The following PPP1R13L variants were observed in gnomAD, a reference collection of about 807,000 sequenced individuals.
PPP1R13L encodes relA-associated inhibitor.
PPP1R13L carries 50 observed loss-of-function variants against 80.9 expected under a neutral mutation model. That is an observed-to-expected ratio of 0.62 (90% CI 0.49 to 0.78). PPP1R13L has a LOEUF of 0.78. Ranked by LOEUF, PPP1R13L falls within the 30% of genes least tolerant of loss-of-function variation. The pLI, the probability that PPP1R13L is intolerant of heterozygous loss-of-function variation, is 0.00. For missense variants in PPP1R13L, 1,200 were observed against 1,205.9 expected, an observed-to-expected ratio of 1.00 and a Z score of 0.07; for synonymous variants, 602 against 534.3, an observed-to-expected ratio of 1.13 and a Z score of -1.75.
At chr19:45,403,757 C>G (rs1385054812) in intron 1 of PPP1R13L, among the ~76,000 whole-genome samples, 3 of 152,168 alleles carry the variant, frequency 2.0e-5, no homozygotes, top group East Asian at 3.8e-4. Flanking sequence ...ATCAAATGCC[C>G]TTCAAGCCCA....
intron 11 of PPP1R13L, among the ~76,000 whole-genome samples, chr19:45,385,350 G>A (rs1972843321): frequency 6.6e-6 from 1 of 152,206 alleles, no homozygotes; most frequent in Non-Finnish European, 1.5e-5. Context: ...TGTCCAGCTC[G>A]CATAGCACAG....
chr19:45,404,680 A>G (rs1283853398), intron 1 of PPP1R13L, among the ~76,000 whole-genome samples: 1 of 151,794 alleles, frequency 6.6e-6, no homozygotes, highest in Non-Finnish European at 1.5e-5. Flanking sequence ...TCTGACCAAG[A>G]CTCGGGGATT....
Position 45,396,101 on chromosome 19 carries a change from G to C in PPP1R13L, c.903+67C>G. ...CAGCCCCGAGGGGGAGACTGGCCTT[G>C]ACCCCGCTCCCCCACCCCACTCCTC... On this transcript the variant is annotated intron_variant, in intron 6 of 12. Coordinates refer to ENST00000360957, the MANE Select transcript of PPP1R13L (RefSeq NM_006663.4). This position sits in a 1 kb window ranked among gnomAD's most constrained non-coding sequence, Gnocchi z 5.3. 1 of 1,513,914 alleles carries C rather than the reference G, an allele frequency of 6.6e-7. No homozygotes were observed. The highest frequency in any genetic ancestry group is 8.9e-7 in the Non-Finnish European group (1 of 1,123,284). 93.8% of individuals were successfully genotyped at this position (1,513,914 alleles called of 1,614,324 possible).
upstream of PPP1R13L, chr19:45,406,105 A>G: frequency 5.6e-6 from 1 of 177,350 alleles, no homozygotes; most frequent in Non-Finnish European, 1.1e-5. The surrounding 1 kb of genome is among the most constrained non-coding windows in gnomAD (Gnocchi z 4.2). Flanking sequence ...TCCTCCCCCT[A>G]TGTTTCCCGC....
chr19:45,400,499 G>A (rs1973209808), intron 1 of PPP1R13L, among the ~76,000 whole-genome samples: 1 of 151,962 alleles, frequency 6.6e-6, no homozygotes, highest in South Asian at 2.1e-4. Context: ...TGTTCAGGCT[G>A]GCGGCTCATT....
At chr19:45,389,671 G>A (rs558408344) in intron 8 of PPP1R13L, among the ~76,000 whole-genome samples, 104 of 152,252 alleles carry the variant, frequency 6.8e-4, no homozygotes, top group African/African-American at 1.2e-3. Context: ...TTAGCCAAGC[G>A]TGGTGGCATA....
At chr19:45,399,579 G>A (rs1973191668) in intron 1 of PPP1R13L, among the ~76,000 whole-genome samples, 2 of 151,144 alleles carry the variant, frequency 1.3e-5, no homozygotes, top group Admixed American at 1.3e-4. Flanking sequence ...AGCGGAGATC[G>A]CGCCACTGCA....
chr19:45,405,689 C>G (rs979546819), upstream of PPP1R13L, among the ~76,000 whole-genome samples: 1 of 152,228 alleles, frequency 6.6e-6, no homozygotes, highest in Non-Finnish European at 1.5e-5. Flanking sequence ...GCCTCTCCCA[C>G]CTGGGGAGAA....
At chr19:45,380,308 C>T (rs925225987) in intron 12 of PPP1R13L, 80 bp from the exon 13 acceptor site, 65 of 1,541,374 alleles carry the variant, frequency 4.2e-5, no homozygotes, top group Admixed American at 2.3e-4. Flanking sequence ...TGTCTCTATC[C>T]TCCCACCCCT....
chr19:45,398,034 G>A lies in PPP1R13L; in HGVS notation c.169C>T (p.Pro57Ser), dbSNP rs780197542. Reference sequence around the variant, plus strand: ...GAAGGGGGTCCGGCCTGCGGGCCAGGAGGCGCGGGAGAGTCTGACCACAGC... The same window carrying A: ...GAAGGGGGTCCGGCCTGCGGGCCAGAAGGCGCGGGAGAGTCTGACCACAGC... ...ESLWSDSPAP[P>S]GPQAGPPSRP... The change falls in exon 3 of 13, where the codon CCT becomes TCT. Residue 57 changes from proline to serine, a missense_variant. Physicochemically the swap from Pro to Ser is moderately conservative, Grantham distance 74. Coordinates refer to ENST00000360957, the MANE Select transcript of PPP1R13L (RefSeq NM_006663.4). 4 of 1,613,508 alleles carry A rather than the reference G, an allele frequency of 2.5e-6. No individual in the cohort carries two copies. Among genetic ancestry groups the A allele is most frequent in the African/African-American group, 1.3e-5 (1 of 74,938 alleles).
At position 45,397,026 on chromosome 19, in the gene PPP1R13L, C is replaced by T. The variant is rs1429264461; in HGVS notation, c.231G>A (p.Glu77=). The T allele has an allele frequency of 1.1e-5, 15 of 1,362,912 alleles. No homozygotes were observed. Among genetic ancestry groups the T allele is most frequent in the Non-Finnish European group, 1.4e-5 (15 of 1,060,354 alleles). 84.4% of individuals were successfully genotyped at this position (1,362,912 alleles called of 1,614,324 possible). A position where few individuals can be genotyped will look rare whatever the true frequency, so the allele number is the denominator to read the frequency against. ...GGGGGGACCCTCGGCTGCCGAAGGG[C>T]TCAGGGATCGAGCTGGAGCTGTACC... is the stretch of plus-strand genomic sequence containing the variant. ...PPRYSSSSIP[E]PFGSRGSPRK... The change falls in exon 4 of 13, where the codon GAG becomes GAA. Residue 77 remains glutamate, a synonymous_variant. Transcript: ENST00000360957.
At chr19:45,381,149 G>A (rs914722237) in intron 12 of PPP1R13L, among the ~76,000 whole-genome samples, 1 of 151,212 alleles carries the variant, frequency 6.6e-6, no homozygotes. Flanking sequence ...CAATCTCCCA[G>A]GCTTAAGCGA....
At position 45,396,636 on chromosome 19, in the gene PPP1R13L, A is replaced by C. The variant is rs768784601; in HGVS notation, c.621T>G (p.Pro207=). The C allele has an allele frequency of 9.5e-6, 14 of 1,475,690 alleles. No homozygotes were observed. The allele number at this position is 1,475,690 out of a possible 1,614,324, so 91.4% of individuals were successfully genotyped here. The stretch of plus-strand genomic sequence containing the variant: ...ACGCTGGCGCGTCGTAGGCTGTGGC[A>C]GGGGGGCGCGGTGACGGCCCACGCT... ...FPERGPSPRP[P]ATAYDAPASA... Residue 207 remains proline, a synonymous_variant, in exon 4 of 13, where the codon CCT becomes CCG. Coordinates refer to ENST00000360957, the MANE Select transcript of PPP1R13L (RefSeq NM_006663.4). This position sits in a 1 kb window ranked among gnomAD's most constrained non-coding sequence, Gnocchi z 5.3.
rs1973115605 is a variant in PPP1R13L, at chr19:45,396,945, T to C, written c.312A>G (p.Pro104=). ...DTPFGRSESA[P]TLHPYSPLSP... ...ACAGCGGGCTGTAGGGGTGTAGGGTTGGGGCACTCTCTGATCGTCCGAACG... is the reference window on the plus strand; with the variant it reads ...ACAGCGGGCTGTAGGGGTGTAGGGTCGGGGCACTCTCTGATCGTCCGAACG... The change falls in exon 4 of 13, where the codon CCA becomes CCG. Residue 104 remains proline (P), a synonymous_variant. Coordinates refer to ENST00000360957, the MANE Select transcript of PPP1R13L (RefSeq NM_006663.4). The surrounding 1 kb of genome is among the most constrained non-coding windows in gnomAD (Gnocchi z 5.3). 7 of 1,435,394 alleles carry C rather than the reference T, an allele frequency of 4.9e-6. No homozygotes were observed. The highest frequency in any genetic ancestry group is 5.5e-6 in the Non-Finnish European group (6 of 1,096,604). The allele number at this position is 1,435,394 out of a possible 1,614,324, so 88.9% of individuals were successfully genotyped here. A position where few individuals can be genotyped will look rare whatever the true frequency, so the allele number is the denominator to read the frequency against.
At chr19:45,398,693 T>TCC (rs1973168121) in intron 1 of PPP1R13L, among the ~76,000 whole-genome samples, 1 of 144,314 alleles carries the variant, frequency 6.9e-6, no homozygotes, top group Non-Finnish European at 1.5e-5. Flanking sequence ...GCCTCCCGGG[T>TCC]TCAAGCAAAT....
chr19:45,398,038 C>T lies in PPP1R13L; in HGVS notation c.165G>A (p.Ala55=), dbSNP rs1354605235. 2.5e-6 allele frequency: 4 copies of T among 1,613,752 alleles called. No homozygotes were observed. The highest frequency in any genetic ancestry group is 3.4e-6 in the Non-Finnish European group (4 of 1,179,832). The change falls in exon 3 of 13, where the codon GCG becomes GCA. Residue 55 remains alanine (A), a synonymous_variant. Coordinates refer to ENST00000360957, the MANE Select transcript of PPP1R13L (RefSeq NM_006663.4). ...QLESLWSDSP[A]PPGPQAGPPS... The stretch of plus-strand genomic sequence containing the variant: ...GGGGTCCGGCCTGCGGGCCAGGAGG[C>T]GCGGGAGAGTCTGACCACAGCGACT...
rs1040781902 is a variant in PPP1R13L at position 45,396,623 on chromosome 19, C to T, written c.634G>A (p.Asp212Asn). 1.3e-6 allele frequency: 2 copies of T among 1,486,980 alleles called. No individual in the cohort carries two copies. Among genetic ancestry groups the T allele is most frequent in the African/African-American group, 1.4e-5 (1 of 70,338 alleles). The allele number at this position is 1,486,980 out of a possible 1,614,324, so 92.1% of individuals were successfully genotyped here. The change falls in exon 4 of 13, where the codon GAC (aspartate) becomes AAC (asparagine). Residue 212 changes from aspartate (D) to asparagine (N), a missense_variant. Asp to Asn is a conservative substitution (Grantham distance 23, BLOSUM62 1). Coordinates refer to ENST00000360957, the MANE Select transcript of PPP1R13L (RefSeq NM_006663.4). This position sits in a 1 kb window ranked among gnomAD's most constrained non-coding sequence, Gnocchi z 5.3. The stretch of plus-strand genomic sequence containing the variant: ...CTCCCGAAGGCGGACGCTGGCGCGT[C>T]GTAGGCTGTGGCAGGGGGGCGCGGT... Reference protein sequence around the residue: ...PSPRPPATAYDAPASAFGSSL... With the variant: ...PSPRPPATAYNAPASAFGSSL...
Position 45,386,180 on chromosome 19 carries a change from C to G in PPP1R13L, c.1816G>C (p.Glu606Gln). 1.3e-6 allele frequency: 2 copies of G among 1,517,286 alleles called. No individual in the cohort carries two copies. The highest frequency in any genetic ancestry group is 1.7e-6 in the Non-Finnish European group (2 of 1,146,814). The allele number at this position is 1,517,286 out of a possible 1,614,324, so 94.0% of individuals were successfully genotyped here. The change falls in exon 9 of 13, where the codon GAG (glutamate) becomes CAG (glutamine). Residue 606 changes from glutamate (E) to glutamine (Q), a missense_variant and splice_region_variant. By Grantham distance (29) the Glu-to-Gln change is conservative (BLOSUM62 2). This residue lies in a region of PPP1R13L where 214 missense variants were observed against 199.6 expected (regional missense o/e 1.07). Coordinates refer to ENST00000360957, the MANE Select transcript of PPP1R13L (RefSeq NM_006663.4). ...SSPPEQPQSMEMRSVLRKAGS... is the reference protein window; with the variant it reads ...SSPPEQPQSMQMRSVLRKAGS... ...GCCTTCCGCAGCACAGAGCGCATCTCCTGGGGGACAGGGCGCAGAGGTCAG... is the reference window on the plus strand; with the variant it reads ...GCCTTCCGCAGCACAGAGCGCATCTGCTGGGGGACAGGGCGCAGAGGTCAG...
chr19:45,390,773 A>G (rs779876020), intron 8 of PPP1R13L, among the ~76,000 whole-genome samples: 3 of 152,122 alleles, frequency 2.0e-5, no homozygotes, highest in African/African-American at 4.8e-5. Flanking sequence ...TTTAGTAGAC[A>G]GGGGGTTTCA....
Sources: gnomAD v4.1 joint callset for allele counts (sites outside exome capture counted in the v4.1 genomes callset) on GRCh38, gnomAD v4.1.1 for gene constraint, gnomAD v4.1.1 regional missense constraint, Gnocchi (gnomAD v3.1) non-coding constraint, MANE v1.5 for transcripts, NCBI Gene and HGNC (gene_info 2026-07-23, HGNC 2026-07-21) for gene names.